Variants in MSH4 observed in about 807,000 individuals in gnomAD.
MSH4 encodes mutS homolog 4.
MSH4 carries 106 observed loss-of-function variants against 113.7 expected under a neutral mutation model. That is an observed-to-expected ratio of 0.93 (90% CI 0.80 to 1.10). The LOEUF is 1.10. Among genes scored for constraint, MSH4 ranks in the 50% least tolerant of loss-of-function variants. The probability of loss-of-function intolerance (pLI) is 0.00; values close to 1 mark genes in which losing one functional copy is unlikely to be tolerated. For missense variants in MSH4, 1,061 were observed against 1,093.7 expected (o/e 0.97, Z 0.42); for synonymous variants, 368 against 380.2 (o/e 0.97, Z 0.37).
At position 75,885,029 on chromosome 1, in the gene MSH4, A is replaced by ATATG. The variant is rs1389017084; in HGVS notation, c.2107+1209_2107+1210insATGT. 4.9e-5 allele frequency among the ~76,000 whole-genome samples: 6 copies of ATATG among 122,372 alleles called. No individual in the cohort carries two copies. The South Asian group carries it at 1.0e-3, about 20-fold the overall frequency. 80.3% of individuals were successfully genotyped at this position (122,372 alleles called of 152,430 possible). A position where few individuals can be genotyped will look rare whatever the true frequency, so the allele number is the denominator to read the frequency against. On this transcript the variant is annotated intron_variant, in intron 15 of 19. Transcript: ENST00000263187. ...TGTGTGTATGTGTGTATATATATAT[A>ATATG]TGTGTGTGTGTGTGTGTGTGTGTGT... is the stretch of plus-strand genomic sequence containing the variant.
chr1:75,893,407 G>T (rs1652302573), intron 17 of MSH4, among the ~76,000 whole-genome samples: 1 of 152,164 alleles, frequency 6.6e-6, no homozygotes, highest in Non-Finnish European at 1.5e-5. Flanking sequence ...AGTTGGGAAG[G>T]AATGGGAGAC....
intron 7 of MSH4, among the ~76,000 whole-genome samples, chr1:75,841,664 C>T (rs183872531): frequency 6.6e-6 from 1 of 152,116 alleles, no homozygotes; most frequent in East Asian, 1.9e-4. Flanking sequence ...CAATATGGAG[C>T]TGACATTCTG....
At chr1:75,810,613 A>T in intron 3 of MSH4, 84 bp from the exon 4 acceptor site, 1 of 568,086 alleles carries the variant, frequency 1.8e-6, no homozygotes, top group Non-Finnish European at 3.0e-6. Context: ...TCTATGAATT[A>T]ATTTTAAATA....
chr1:75,827,774 T>G (rs1241494696), intron 7 of MSH4, among the ~76,000 whole-genome samples: 1 of 151,162 alleles, frequency 6.6e-6, no homozygotes, highest in Non-Finnish European at 1.5e-5. Context: ...CATTATATAA[T>G]GGTAAAGGGA....
intron 9 of MSH4, among the ~76,000 whole-genome samples, chr1:75,873,099 C>T (rs1382132130): frequency 6.6e-6 from 1 of 152,184 alleles, no homozygotes; most frequent in Non-Finnish European, 1.5e-5. Flanking sequence ...GAGTGAATTT[C>T]TTACCAGTTT....
chr1:75,811,235 A>G (rs995723495), intron 4 of MSH4, among the ~76,000 whole-genome samples: 1 of 152,208 alleles, frequency 6.6e-6, no homozygotes, highest in African/African-American at 2.4e-5. Context: ...TAATTTTAGT[A>G]ACTTTATATT....
At chr1:75,826,740 G>T (rs1241595676) in intron 7 of MSH4, among the ~76,000 whole-genome samples, 1 of 152,138 alleles carries the variant, frequency 6.6e-6, no homozygotes, top group African/African-American at 2.4e-5. Flanking sequence ...TTCAGGAGGA[G>T]GTTGTTTACT....
At chr1:75,841,090 G>A (rs1298931024) in intron 7 of MSH4, among the ~76,000 whole-genome samples, 1 of 151,968 alleles carries the variant, frequency 6.6e-6, no homozygotes, top group Non-Finnish European at 1.5e-5. Flanking sequence ...GATGTTTTTT[G>A]GATATAGTGG....
intron 19 of MSH4, among the ~76,000 whole-genome samples, chr1:75,909,174 A>G (rs767604977): frequency 4.6e-5 from 7 of 152,146 alleles, no homozygotes; most frequent in Non-Finnish European, 7.3e-5. Flanking sequence ...GAAGCTGGCT[A>G]TCCACCTCAA....
At chr1:75,902,243 T>G (rs1034491925) in intron 19 of MSH4, among the ~76,000 whole-genome samples, 1 of 152,072 alleles carries the variant, frequency 6.6e-6, no homozygotes, top group African/African-American at 2.4e-5. Context: ...GGGGTACATG[T>G]GCTTGCTTGT....
chr1:75,906,604 A>C (rs1238818883), intron 19 of MSH4, among the ~76,000 whole-genome samples: 1 of 112,034 alleles, frequency 8.9e-6, no homozygotes, highest in Non-Finnish European at 1.7e-5. Context: ...TATGATTTTC[A>C]TGAGGCTTAT....
chr1:75,815,223 A>G, intron 5 of MSH4, 87 bp downstream of exon 5: 1 of 700,600 alleles, frequency 1.4e-6, no homozygotes, highest in Non-Finnish European at 2.3e-6. Context: ...AAGTAAATAA[A>G]TCTCCAGTGT....
intron 17 of MSH4, among the ~76,000 whole-genome samples, chr1:75,896,966 G>T (rs1652400082): frequency 6.6e-6 from 1 of 151,958 alleles, no homozygotes; most frequent in Non-Finnish European, 1.5e-5. Flanking sequence ...TCATTTTTCT[G>T]TCATATACAA....
chr1:75,843,192 G>A (rs957420316), intron 7 of MSH4, among the ~76,000 whole-genome samples: 29 of 152,154 alleles, frequency 1.9e-4, no homozygotes, highest in Non-Finnish European at 4.0e-4. Flanking sequence ...TCTTTACCCT[G>A]CCCCTTTTGC....
At chr1:75,880,718 T>A (rs914356059) in intron 13 of MSH4, among the ~76,000 whole-genome samples, 6 of 152,214 alleles carry the variant, frequency 3.9e-5, no homozygotes, top group Admixed American at 2.6e-4. Context: ...TTGCACTATA[T>A]CACAGTATAA....
At chr1:75,876,706 T>C (rs985582786) in intron 9 of MSH4, among the ~76,000 whole-genome samples, 8 of 152,018 alleles carry the variant, frequency 5.3e-5, no homozygotes, top group African/African-American at 1.9e-4. Flanking sequence ...AAAATAAAAT[T>C]TATAATAAGC....
intron 7 of MSH4, among the ~76,000 whole-genome samples, chr1:75,836,741 ATCT>A (rs1440566313): frequency 2.0e-5 from 3 of 152,214 alleles, no homozygotes; most frequent in East Asian, 3.9e-4. Context: ...CAACCTCCTG[ATCT>A]TCTTCCTCTG....
intron 12 of MSH4, among the ~76,000 whole-genome samples, chr1:75,879,837 T>A (rs1651892399): frequency 6.6e-6 from 1 of 152,160 alleles, no homozygotes; most frequent in African/African-American, 2.4e-5. Context: ...TCCTGCTTTT[T>A]AAAAATGAAT....
chr1:75,807,036 A>G lies in MSH4; in HGVS notation c.483A>G (p.Val161=). The G allele has an allele frequency of 1.3e-6, 2 of 1,589,376 alleles. No homozygotes were observed. The highest frequency in any genetic ancestry group is 1.4e-5 in the African/African-American group (1 of 73,390). Residue 161 remains valine, a synonymous_variant, in exon 3 of 20, where the codon GTA becomes GTG. Coordinates refer to ENST00000263187, the MANE Select transcript of MSH4 (RefSeq NM_002440.4). The part of the protein sequence containing the change: ...AHSPSVIVAV[V]EGRGLARGEI... ...CCCCATCAGTTATTGTAGCTGTTGT[A>G]GAAGGGAGAGGACTTGCCAGAGGTG... is the stretch of plus-strand genomic sequence containing the variant.
Sources: gnomAD v4.1 joint callset for allele counts (sites outside exome capture counted in the v4.1 genomes callset) on GRCh38, gnomAD v4.1.1 for gene constraint, MANE v1.5 for transcripts, NCBI Gene and HGNC (gene_info 2026-07-23, HGNC 2026-07-21) for gene names.